Variants in CSTPP1 observed in about 807,000 individuals in gnomAD.
CSTPP1 encodes centriolar satellite-associated tubulin polyglutamylase complex regulator 1.
the CSTPP1 span, among the ~76,000 whole-genome samples, chr11:47,024,052 C>A: frequency 6.6e-6 from 1 of 151,676 alleles, no homozygotes; most frequent in East Asian, 1.9e-4. Context: ...TTATTGTGTT[C>A]CTTTTTTTTT....
At chr11:46,977,469 T>C in the CSTPP1 span, among the ~76,000 whole-genome samples, 1,362 of 152,356 alleles carry the variant, frequency 8.9e-3, 20 homozygotes, top group African/African-American at 0.03. Flanking sequence ...CCAGCTAGCC[T>C]GCATTTTCTA....
chr11:47,144,902 T>C, the CSTPP1 span, among the ~76,000 whole-genome samples: 1 of 152,032 alleles, frequency 6.6e-6, no homozygotes, highest in Non-Finnish European at 1.5e-5. Context: ...ATAATTTATA[T>C]TTCTAAAAAA....
the CSTPP1 span, among the ~76,000 whole-genome samples, chr11:47,002,624 CCCCCA>C: frequency 6.6e-6 from 1 of 151,666 alleles, no homozygotes; most frequent in African/African-American, 2.4e-5. Flanking sequence ...GACCTTGTTC[CCCCCA>C]CCCCACCCCC....
the CSTPP1 span, among the ~76,000 whole-genome samples, chr11:47,136,593 G>A: frequency 4.6e-5 from 7 of 152,094 alleles, no homozygotes; most frequent in African/African-American, 7.2e-5. Flanking sequence ...CCAAACTAAC[G>A]GGGGCAGGAG....
chr11:47,065,259 C>G, the CSTPP1 span, among the ~76,000 whole-genome samples: 1 of 152,020 alleles, frequency 6.6e-6, no homozygotes, highest in South Asian at 2.1e-4. Context: ...GTCATTTAAT[C>G]TATGAACATA....
At chr11:46,990,984 A>G in the CSTPP1 span, among the ~76,000 whole-genome samples, 3 of 152,052 alleles carry the variant, frequency 2.0e-5, no homozygotes, top group Admixed American at 6.6e-5. Flanking sequence ...CCATTGGTCT[A>G]TGTTTCTGTT....
chr11:47,154,423 T>G, the CSTPP1 span: 1 of 152,240 alleles, frequency 6.6e-6, no homozygotes, highest in Non-Finnish European at 1.5e-5. Flanking sequence ...AGGATGAACA[T>G]AGCCTTGGTC....
At chr11:47,053,096 T>A in the CSTPP1 span, 1 of 152,972 alleles carries the variant, frequency 6.5e-6, no homozygotes, top group Admixed American at 6.5e-5. Context: ...AAGGTTCTCC[T>A]TAGAACTGAC....
At chr11:47,093,427 T>C in the CSTPP1 span, among the ~76,000 whole-genome samples, 214 of 152,344 alleles carry the variant, frequency 1.4e-3, no homozygotes, top group Non-Finnish European at 1.7e-3. Flanking sequence ...TCAACAAATA[T>C]TTATTGAGTA....
the CSTPP1 span, among the ~76,000 whole-genome samples, chr11:46,944,317 CA>C: frequency 0.022 from 1,741 of 77,450 alleles, 14 homozygotes; most frequent in East Asian, 0.057. Context: ...GACTGCTTCT[CA>C]AAAAAAAAAA....
At chr11:47,010,381 ATC>A in the CSTPP1 span, among the ~76,000 whole-genome samples, 16 of 152,298 alleles carry the variant, frequency 1.1e-4, no homozygotes, top group South Asian at 3.3e-3. Context: ...AAGCAACGGA[ATC>A]TGTCTCTGGC....
At chr11:47,146,365 C>A in the CSTPP1 span, among the ~76,000 whole-genome samples, 35 of 73,790 alleles carry the variant, frequency 4.7e-4, no homozygotes, top group African/African-American at 8.7e-4. Flanking sequence ...AACTCTGTCT[C>A]AAAAAAAAAA....
chr11:47,013,827 A>G, the CSTPP1 span, among the ~76,000 whole-genome samples: 1 of 152,198 alleles, frequency 6.6e-6, no homozygotes. Flanking sequence ...ATCTTCCACA[A>G]TGGTTGAACT....
At chr11:47,053,942 A>C in the CSTPP1 span, among the ~76,000 whole-genome samples, 1 of 151,572 alleles carries the variant, frequency 6.6e-6, no homozygotes, top group Non-Finnish European at 1.5e-5. Flanking sequence ...ATCCTGCTTC[A>C]AAAAAACAAA....
the CSTPP1 span, chr11:47,052,238 A>G: frequency 3.1e-6 from 3 of 982,134 alleles, no homozygotes; most frequent in Non-Finnish European, 4.4e-6. Context: ...TTCCCCATAG[A>G]AGGACTAGGT....
chr11:47,094,153 G>A, the CSTPP1 span, among the ~76,000 whole-genome samples: 3 of 152,120 alleles, frequency 2.0e-5, no homozygotes, highest in Admixed American at 2.0e-4. Context: ...CTGCTTGGGA[G>A]GAAATGGATT....
At chr11:46,981,253 T>C in the CSTPP1 span, among the ~76,000 whole-genome samples, 1 of 151,442 alleles carries the variant, frequency 6.6e-6, no homozygotes, top group Non-Finnish European at 1.5e-5. Context: ...CTCCAGACAT[T>C]GTTGATTAAA....
the CSTPP1 span, among the ~76,000 whole-genome samples, chr11:47,019,752 A>G: frequency 6.6e-6 from 1 of 152,220 alleles, no homozygotes; most frequent in Non-Finnish European, 1.5e-5. Context: ...AGTTTGAAAT[A>G]TTGTGAGAAT....
At chr11:47,130,757 G>T in the CSTPP1 span, 2 of 152,398 alleles carry the variant, frequency 1.3e-5, no homozygotes, top group Non-Finnish European at 2.9e-5. Context: ...ATTGGAAGGG[G>T]TGGTGTGGTC....
Sources: gnomAD v4.1 joint callset for allele counts (sites outside exome capture counted in the v4.1 genomes callset) on GRCh38, gnomAD v4.1.1 for gene constraint, MANE v1.5 for transcripts, NCBI Gene and HGNC (gene_info 2026-07-23, HGNC 2026-07-21) for gene names.